The following VMP1 variants were observed in gnomAD, a reference collection of about 807,000 sequenced individuals.
VMP1 encodes the protein vacuole membrane protein 1, also known as ectopic P-granules autophagy protein 3 homolog.
VMP1 carries 11 observed loss-of-function variants against 56.0 expected under a neutral mutation model. The observed-to-expected ratio is 0.20, with a 90% CI of 0.12 to 0.32. The LOEUF is 0.32. Among genes scored for constraint, VMP1 ranks in the 10% least tolerant of loss-of-function variants. VMP1 has a pLI of 1.00. For missense variants in VMP1, 296 were observed against 490.3 expected, an observed-to-expected ratio of 0.60 and a Z score of 3.74; for synonymous variants, 149 against 165.0, an observed-to-expected ratio of 0.90 and a Z score of 0.74.
At chr17:59,816,712 G>A (rs1037348353) in intron 9 of VMP1, among the ~76,000 whole-genome samples, 2 of 152,088 alleles carry the variant, frequency 1.3e-5, no homozygotes, top group South Asian at 4.2e-4. Context: ...GGCTGAGGCA[G>A]GTGGATCACC....
intron 7 of VMP1, among the ~76,000 whole-genome samples, chr17:59,788,893 T>C (rs1337525412): frequency 1.3e-5 from 2 of 151,352 alleles, no homozygotes; most frequent in East Asian, 3.9e-4. Context: ...GATATGGCGG[T>C]GGAAAAAGCA....
intron 7 of VMP1, among the ~76,000 whole-genome samples, chr17:59,806,045 T>G (rs2037832594): frequency 6.6e-6 from 1 of 152,174 alleles, no homozygotes; most frequent in African/African-American, 2.4e-5. Context: ...CATAACTAGT[T>G]TTTAATTTAA....
chr17:59,732,280 T>A (rs1358884711), intron 2 of VMP1, among the ~76,000 whole-genome samples: 1 of 152,198 alleles, frequency 6.6e-6, no homozygotes, highest in Non-Finnish European at 1.5e-5. Flanking sequence ...GGAATCTCAC[T>A]CTGTCACCAG....
intron 1 of VMP1, among the ~76,000 whole-genome samples, chr17:59,717,593 G>C (rs2034215365): frequency 6.6e-6 from 1 of 152,148 alleles, no homozygotes; most frequent in African/African-American, 2.4e-5. Context: ...GTGTTGGCCA[G>C]TCTGGTCTGG....
intron 3 of VMP1, 122 bp downstream of exon 3, chr17:59,735,595 T>C (rs1295493961): frequency 9.7e-7 from 1 of 1,033,202 alleles, no homozygotes; most frequent in African/African-American, 1.6e-5. Context: ...TTTAGAATAT[T>C]ACCATAGGAA....
chr17:59,773,118 C>T (rs987659163), intron 6 of VMP1, among the ~76,000 whole-genome samples: 2 of 151,708 alleles, frequency 1.3e-5, no homozygotes, highest in African/African-American at 4.8e-5. Context: ...CGTGCCACCA[C>T]ACTCAGCTAA....
chr17:59,803,537 T>G (rs2144186101), intron 7 of VMP1, among the ~76,000 whole-genome samples: 1 of 152,360 alleles, frequency 6.6e-6, no homozygotes, highest in Non-Finnish European at 1.5e-5. Context: ...AAATGCATGC[T>G]TCATATTTAA....
intron 10 of VMP1, among the ~76,000 whole-genome samples, chr17:59,818,130 G>T (rs1908603912): frequency 6.6e-6 from 1 of 152,102 alleles, no homozygotes; most frequent in Non-Finnish European, 1.5e-5. Context: ...ACAATGCTGT[G>T]ATTTTTGGCC....
At chr17:59,723,849 G>C (rs1598292831) in intron 1 of VMP1, among the ~76,000 whole-genome samples, 1 of 152,186 alleles carries the variant, frequency 6.6e-6, no homozygotes, top group Non-Finnish European at 1.5e-5. Context: ...TGACATGGGT[G>C]AAGTGTAAAT....
chr17:59,807,682 AT>A (rs890928947), intron 7 of VMP1, among the ~76,000 whole-genome samples: 3 of 151,906 alleles, frequency 2.0e-5, no homozygotes, highest in Admixed American at 2.0e-4. Flanking sequence ...AAAATACAAA[AT>A]TAGCTGGGCG....
intron 5 of VMP1, among the ~76,000 whole-genome samples, chr17:59,760,325 T>C (rs1293179813): frequency 6.6e-6 from 1 of 152,178 alleles, no homozygotes; most frequent in Non-Finnish European, 1.5e-5. Flanking sequence ...TATATTTTAC[T>C]TCCTCATATG....
At chr17:59,738,686 A>C in intron 4 of VMP1, 151 bp from the exon 5 acceptor site, 1 of 545,574 alleles carries the variant, frequency 1.8e-6, no homozygotes, top group Non-Finnish European at 3.2e-6. Flanking sequence ...ATTGTGTATT[A>C]AAGAAATTAG....
intron 7 of VMP1, among the ~76,000 whole-genome samples, chr17:59,779,419 T>G (rs1365854764): frequency 6.6e-6 from 1 of 152,224 alleles, no homozygotes; most frequent in Non-Finnish European, 1.5e-5. Flanking sequence ...TCTCCTTGTT[T>G]TCAGACCTAT....
chr17:59,811,717 T>C lies in VMP1; in HGVS notation c.843T>C (p.Phe281=). 6.2e-7 allele frequency: 1 copy of C among 1,614,070 alleles called. No individual in the cohort carries two copies. Among genetic ancestry groups the C allele is most frequent in the Non-Finnish European group, 8.5e-7 (1 of 1,179,984 alleles). The change falls in exon 9 of 12, where the codon TTT becomes TTC. Residue 281 remains phenylalanine, a synonymous_variant. Coordinates refer to ENST00000262291, the MANE Select transcript of VMP1 (RefSeq NM_030938.5). ...FDLAGITCGH[F]LVPFWTFFGA... ...TGGCTGGAATAACGTGTGGACACTT[T>C]CTGGTACCTTTTTGGACCTTCTTTG...
chr17:59,744,607 T>G (rs1598326812), intron 5 of VMP1, among the ~76,000 whole-genome samples: 1 of 116,010 alleles, frequency 8.6e-6, no homozygotes, highest in East Asian at 2.4e-4. Context: ...CAGGGCAACA[T>G]AATGAGACCC....
chr17:59,732,935 A>C (rs2034886970), intron 2 of VMP1, among the ~76,000 whole-genome samples: 1 of 152,194 alleles, frequency 6.6e-6, no homozygotes, highest in Non-Finnish European at 1.5e-5. Context: ...TGGGAGGCCA[A>C]GGCGGAAGGA....
intron 5 of VMP1, among the ~76,000 whole-genome samples, chr17:59,747,934 C>T (rs1239543409): frequency 6.6e-6 from 1 of 151,268 alleles, no homozygotes; most frequent in Non-Finnish European, 1.5e-5. Context: ...CGGTGGCTCA[C>T]GCCTGTAATC....
At chr17:59,810,042 C>A (rs1249316523) in intron 8 of VMP1, among the ~76,000 whole-genome samples, 1 of 152,024 alleles carries the variant, frequency 6.6e-6, no homozygotes, top group Non-Finnish European at 1.5e-5. Flanking sequence ...GATAAGAAGT[C>A]TTTTTCCAAA....
intron 7 of VMP1, among the ~76,000 whole-genome samples, chr17:59,780,508 T>A (rs998806126): frequency 1.1e-4 from 16 of 152,256 alleles, no homozygotes; most frequent in African/African-American, 3.9e-4. Flanking sequence ...TCATCCAGGT[T>A]AATGCAATAA....
Sources: allele counts gnomAD v4.1 joint callset (sites outside exome capture counted in the v4.1 genomes callset), GRCh38; gene constraint gnomAD v4.1.1; transcripts MANE v1.5; gene names NCBI Gene and HGNC (gene_info 2026-07-23, HGNC 2026-07-21).